LRP5: variants seen among roughly 807,000 people sequenced by gnomAD.
LRP5 encodes the protein LDL receptor related protein 5.
LRP5 carries 62 observed loss-of-function variants against 154.1 expected under a neutral mutation model. That is an observed-to-expected ratio of 0.40 (90% CI 0.33 to 0.50). The LOEUF is 0.50. LRP5 is among the 20% of genes least tolerant of loss of function. The probability of loss-of-function intolerance (pLI) is 0.55; values close to 1 mark genes in which losing one functional copy is unlikely to be tolerated. For synonymous variants in LRP5, 966 were observed against 1,011.5 expected, an observed-to-expected ratio of 0.96 and a Z score of 0.85; for missense variants, 1,915 against 2,336.7, an observed-to-expected ratio of 0.82 and a Z score of 3.72.
Position 68,363,762 on chromosome 11 carries a change from G to A in LRP5, c.702G>A (p.Glu234=). The stretch of plus-strand genomic sequence containing the variant: ...CTGACTGCAGGCAGAAGGTGGTGGA[G>A]GGCAGCCTGACGCACCCCTTCGCCC... ...LDGSFRQKVV[E]GSLTHPFALT... Residue 234 remains glutamate, a synonymous_variant, in exon 4 of 23, where the codon GAG becomes GAA. Transcript: ENST00000294304. 1 of 1,612,580 alleles carries A rather than the reference G, an allele frequency of 6.2e-7. No individual in the cohort carries two copies. The highest frequency in any genetic ancestry group is 1.6e-4 in the Middle Eastern group (1 of 6,062).
chr11:68,443,964 T>A (rs907385782), intron 21 of LRP5, among the ~76,000 whole-genome samples: 5 of 150,872 alleles, frequency 3.3e-5, no homozygotes, highest in Non-Finnish European at 5.9e-5. Flanking sequence ...CAGCCCACAC[T>A]CTCTTTCTTA....
intron 5 of LRP5, among the ~76,000 whole-genome samples, chr11:68,374,748 T>C (rs1251841481): frequency 1.3e-5 from 2 of 152,154 alleles, no homozygotes; most frequent in Non-Finnish European, 2.9e-5. Context: ...GTTCCAGAAC[T>C]ACATGGAAAT....
At chr11:68,304,468 A>T in the LRP5 span, among the ~76,000 whole-genome samples, 66 of 152,352 alleles carry the variant, frequency 4.3e-4, no homozygotes, top group East Asian at 7.9e-3. Context: ...TTGGAGGGGA[A>T]ATGTGGGGTT....
At chr11:68,439,293 C>T (rs2098676801) in intron 20 of LRP5, among the ~76,000 whole-genome samples, 1 of 152,222 alleles carries the variant, frequency 6.6e-6, no homozygotes, top group Non-Finnish European at 1.5e-5. Flanking sequence ...GCCTGCCCAG[C>T]CCTGAGTTCC....
At chr11:68,395,652 C>T (rs546769898) in intron 7 of LRP5, among the ~76,000 whole-genome samples, 1 of 152,230 alleles carries the variant, frequency 6.6e-6, no homozygotes, top group African/African-American at 2.4e-5. Flanking sequence ...TTTCTTTACC[C>T]TCTGTGGCCC....
intron 1 of LRP5, among the ~76,000 whole-genome samples, chr11:68,323,925 C>T (rs1048218867): frequency 3.9e-5 from 6 of 152,208 alleles, no homozygotes; most frequent in African/African-American, 7.2e-5. Context: ...TGTGCCTCCC[C>T]GCAGCCGCCT....
rs187677154 is a variant in LRP5, at chr11:68,418,188, C to T, written c.3027+1661C>T. 6.0e-5 allele frequency among the ~76,000 whole-genome samples: 9 copies of T among 150,974 alleles called. No individual in the cohort carries two copies. In the East Asian group the frequency reaches 1.6e-3, roughly 27 times the overall value. ...TTGGGAGGCCGAAGTGGGTGGATCA[C>T]GAGGTCAGGAGTTCAAGACCAGCCT... On this transcript the variant is annotated intron_variant, in intron 13 of 22. Coordinates refer to ENST00000294304, the MANE Select transcript of LRP5 (RefSeq NM_002335.4).
At position 68,357,851 on chromosome 11, in the gene LRP5, G is replaced by A; in HGVS notation, c.686+4G>A. 6.2e-7 allele frequency: 1 copy of A among 1,609,344 alleles called. No individual in the cohort carries two copies. The highest frequency in any genetic ancestry group is 8.5e-7 in the Non-Finnish European group (1 of 1,178,110). The stretch of plus-strand genomic sequence containing the variant: ...CCAACCTGGACGGCTCGTTCCGGTA[G>A]GTACCCACGCAGTCCTGGGGCACCC... On this transcript the variant is annotated splice_donor_region_variant and intron_variant, in intron 3 of 22. Coordinates refer to ENST00000294304, the MANE Select transcript of LRP5 (RefSeq NM_002335.4).
intron 8 of LRP5, among the ~76,000 whole-genome samples, chr11:68,405,796 G>T (rs1255021801): frequency 6.6e-6 from 1 of 152,244 alleles, no homozygotes; most frequent in African/African-American, 2.4e-5. Flanking sequence ...TGAAAAAGAG[G>T]CAGCTTTGGC....
chr11:68,401,525 T>A (rs1015101979), intron 7 of LRP5, among the ~76,000 whole-genome samples: 1 of 152,218 alleles, frequency 6.6e-6, no homozygotes, highest in Non-Finnish European at 1.5e-5. Flanking sequence ...TTGTTTCTTC[T>A]GTGACGTTAG....
intron 1 of LRP5, among the ~76,000 whole-genome samples, chr11:68,313,270 G>A (rs2098590079): frequency 6.6e-6 from 1 of 151,888 alleles, no homozygotes; most frequent in South Asian, 2.1e-4. Context: ...GTTGCAGCGA[G>A]AAAGTTCTGA....
chr11:68,299,630 T>G, the LRP5 span, among the ~76,000 whole-genome samples: 6 of 148,538 alleles, frequency 4.0e-5, no homozygotes, highest in South Asian at 1.1e-3. Flanking sequence ...TTGCCCAGGC[T>G]GGAGTACAGT....
chr11:68,327,943 G>A (rs533418608), intron 1 of LRP5, among the ~76,000 whole-genome samples: 10 of 152,308 alleles, frequency 6.6e-5, no homozygotes, highest in South Asian at 2.1e-4. Flanking sequence ...GACTCGACAC[G>A]TAAACTTGAT....
At chr11:68,382,808 T>G (rs1490363229) in intron 5 of LRP5, among the ~76,000 whole-genome samples, 1 of 152,176 alleles carries the variant, frequency 6.6e-6, no homozygotes. Context: ...TTGGGGTCCT[T>G]GTCAGTAGAA....
chr11:68,424,583 C>T (rs1414733452), intron 14 of LRP5, among the ~76,000 whole-genome samples: 1 of 152,244 alleles, frequency 6.6e-6, no homozygotes, highest in African/African-American at 2.4e-5. Flanking sequence ...TTTCCCATGG[C>T]TGCTGTCAGA....
chr11:68,342,726 C>T (rs573377024), intron 1 of LRP5, among the ~76,000 whole-genome samples: 94 of 152,332 alleles, frequency 6.2e-4, no homozygotes, highest in African/African-American at 1.9e-3. Context: ...CGCTCCTGCC[C>T]GGCTCTCCTG....
intron 22 of LRP5, among the ~76,000 whole-genome samples, chr11:68,448,049 C>T (rs2098682402): frequency 6.6e-6 from 1 of 152,192 alleles, no homozygotes. Flanking sequence ...GTTCCACCTG[C>T]CTGGGGTGGC....
At chr11:68,436,817 G>A in intron 18 of LRP5, 72 bp from the exon 19 acceptor site, 4 of 1,077,798 alleles carry the variant, frequency 3.7e-6, no homozygotes, top group South Asian at 1.2e-5. Flanking sequence ...TCCAGACCTT[G>A]GTTGCTGTGC....
At chr11:68,405,994 T>C (rs1435749816) in intron 8 of LRP5, among the ~76,000 whole-genome samples, 1 of 152,240 alleles carries the variant, frequency 6.6e-6, no homozygotes, top group Non-Finnish European at 1.5e-5. Flanking sequence ...GCTGGCACTC[T>C]TGCCGAGCTG....
Sources: gnomAD v4.1 joint callset for allele counts (sites outside exome capture counted in the v4.1 genomes callset) on GRCh38, gnomAD v4.1.1 for gene constraint, MANE v1.5 for transcripts, NCBI Gene and HGNC (gene_info 2026-07-23, HGNC 2026-07-21) for gene names.